The following UBASH3A variants were observed in gnomAD, a reference collection of about 807,000 sequenced individuals.
UBASH3A encodes ubiquitin associated and SH3 domain containing A.
A neutral mutation model predicts 73.5 loss-of-function variants in UBASH3A; 63 were observed. The ratio of observed to expected loss-of-function variants is 0.86; its 90% confidence interval spans 0.70 to 1.06. The LOEUF is 1.06. UBASH3A is among the 50% of genes least tolerant of loss of function. UBASH3A has a pLI of 0.00. For synonymous variants in UBASH3A, 363 were observed against 351.1 expected, an observed-to-expected ratio of 1.03 and a Z score of -0.38; for missense variants, 860 against 859.0, an observed-to-expected ratio of 1.00 and a Z score of -0.02.
chr21:42,438,623 G>C (rs916451445), intron 11 of UBASH3A, among the ~76,000 whole-genome samples: 1 of 152,164 alleles, frequency 6.6e-6, no homozygotes, highest in South Asian at 2.1e-4. Flanking sequence ...AGGAAGACTT[G>C]AGGGCATAGT....
intron 7 of UBASH3A, among the ~76,000 whole-genome samples, chr21:42,422,134 C>T (rs1221041357): frequency 6.6e-6 from 1 of 152,142 alleles, no homozygotes; most frequent in Non-Finnish European, 1.5e-5. Context: ...AGATTCCAGC[C>T]AAAGCCCCAC....
chr21:42,414,539 C>T (rs1166163043), intron 5 of UBASH3A, among the ~76,000 whole-genome samples: 1 of 152,126 alleles, frequency 6.6e-6, no homozygotes, highest in African/African-American at 2.4e-5. Context: ...GGGAATGTGA[C>T]CTCACTTGGG....
At chr21:42,423,392 G>A (rs2053376543) in intron 7 of UBASH3A, among the ~76,000 whole-genome samples, 1 of 152,240 alleles carries the variant, frequency 6.6e-6, no homozygotes, top group African/African-American at 2.4e-5. Context: ...GGGCCCAGGA[G>A]GCCAGGTGAC....
chr21:42,447,277 G>A lies in UBASH3A; in HGVS notation c.*83G>A, dbSNP rs2053860944. Reference sequence around the variant, plus strand: ...GCTGGGAGATGCTGCTGTTTCCAGAGGCGTCTTAGTCTCACCCAATGTGAT... The same window carrying A: ...GCTGGGAGATGCTGCTGTTTCCAGAAGCGTCTTAGTCTCACCCAATGTGAT... On this transcript the variant is annotated 3_prime_UTR_variant, in exon 15 of 15. Coordinates refer to ENST00000319294, the MANE Select transcript of UBASH3A (RefSeq NM_018961.4). 2 of 1,446,720 alleles carry A rather than the reference G, an allele frequency of 1.4e-6. No individual in the cohort carries two copies. Among genetic ancestry groups the A allele is most frequent in the Non-Finnish European group, 1.9e-6 (2 of 1,062,798 alleles). The allele number at this position is 1,446,720 out of a possible 1,614,324, so 89.6% of individuals were successfully genotyped here.
In UBASH3A at chr21:42,416,583, C is replaced by T; in HGVS notation, c.809C>T (p.Ser270Phe). The change falls in exon 6 of 15, where the codon TCC becomes TTC. Residue 270 changes from serine (S) to phenylalanine (F), a missense_variant. By Grantham distance (155) the Ser-to-Phe change is radical. Transcript: ENST00000319294. The part of the protein sequence containing the change: ...HSCQWTAALY[S>F]RDMRFVHYQT... ...TGCCAGTGGACCGCAGCACTCTACT[C>T]CCGAGACATGCGCTTTGTGCACTAC... 1 of 1,603,730 alleles carries T rather than the reference C, an allele frequency of 6.2e-7. No homozygotes were observed. The highest frequency in any genetic ancestry group is 8.5e-7 in the Non-Finnish European group (1 of 1,175,532).
chr21:42,437,194 CTT>C (rs1237293456), intron 10 of UBASH3A, among the ~76,000 whole-genome samples: 1 of 152,258 alleles, frequency 6.6e-6, no homozygotes, highest in African/African-American at 2.4e-5. Context: ...ACTTCTCTGA[CTT>C]TTTTCCATGA....
chr21:42,406,775 T>C (rs891705744), intron 2 of UBASH3A, among the ~76,000 whole-genome samples: 1 of 152,236 alleles, frequency 6.6e-6, no homozygotes, highest in African/African-American at 2.4e-5. Context: ...TTAGTACTGC[T>C]AATATTCAGC....
chr21:42,432,124 G>A lies in UBASH3A; in HGVS notation c.1192G>A (p.Val398Met), dbSNP rs147890294. ...ALQATVARKSVLVVRHGERVD... is the reference protein window; with the variant it reads ...ALQATVARKSMLVVRHGERVD... ...CCAGGCTACCGTTGCAAGGAAGAGC[G>A]TGCTGGTGGTTCGCCACGGGGAGAG... The change falls in exon 9 of 15, where the codon GTG becomes ATG. Residue 398 changes from valine (V) to methionine (M), a missense_variant. By Grantham distance (21) the Val-to-Met change is conservative. Coordinates refer to ENST00000319294, the MANE Select transcript of UBASH3A (RefSeq NM_018961.4). 66 of 1,613,438 alleles carry A rather than the reference G, an allele frequency of 4.1e-5. No homozygotes were observed. The highest frequency in any genetic ancestry group is 3.3e-4 in the Middle Eastern group (2 of 6,060).
At chr21:42,410,522 TCCAACCA>T in intron 3 of UBASH3A, 2 of 375,132 alleles carry the variant, frequency 5.3e-6, no homozygotes. Context: ...TTCCAAAGCC[TCCAACCA>T]CCACCCCGGA....
At chr21:42,429,293 G>A (rs556041531) in intron 8 of UBASH3A, among the ~76,000 whole-genome samples, 40 of 152,258 alleles carry the variant, frequency 2.6e-4, no homozygotes, top group East Asian at 1.2e-3. Flanking sequence ...GCTTGGCACC[G>A]CCCAGCCTGT....
intron 5 of UBASH3A, among the ~76,000 whole-genome samples, chr21:42,414,894 C>A (rs2053171328): frequency 6.6e-6 from 1 of 152,242 alleles, no homozygotes; most frequent in South Asian, 2.1e-4. Flanking sequence ...CACCTCTGTC[C>A]TGCTCCATGC....
chr21:42,445,323 A>G (rs977589415), intron 14 of UBASH3A, among the ~76,000 whole-genome samples: 1 of 152,218 alleles, frequency 6.6e-6, no homozygotes, highest in Non-Finnish European at 1.5e-5. Flanking sequence ...TGACCTTTTT[A>G]TGAAATTCAT....
intron 2 of UBASH3A, among the ~76,000 whole-genome samples, chr21:42,407,408 T>C (rs891424445): frequency 7.9e-5 from 12 of 151,764 alleles, no homozygotes; most frequent in Non-Finnish European, 1.8e-4. Flanking sequence ...CTTCACAGAG[T>C]CCACTAAAGC....
At chr21:42,405,236 C>T (rs371874798) in intron 1 of UBASH3A, among the ~76,000 whole-genome samples, 63 of 152,086 alleles carry the variant, frequency 4.1e-4, no homozygotes, top group African/African-American at 1.5e-3. Context: ...CAGGCATGTG[C>T]AGGGCGGCCA....
chr21:42,436,777 A>G (rs1449434229), intron 10 of UBASH3A, among the ~76,000 whole-genome samples: 1 of 152,076 alleles, frequency 6.6e-6, no homozygotes, highest in Non-Finnish European at 1.5e-5. Flanking sequence ...CCAGTATCAC[A>G]GGGGGAAAGG....
Position 42,437,505 on chromosome 21 carries a change from A to T in UBASH3A, c.1411A>T (p.Ser471Cys). The T allele has an allele frequency of 3.1e-6, 5 of 1,614,218 alleles. 2 individuals carry two copies. ...TTTTCCAGGGGACGCGCTACTGGAC[A>T]GTGGTATCAGAATCAGCTCTGTGTT... ...SRIAGDALLD[S>C]GIRISSVFAS... The change falls in exon 11 of 15, where the codon AGT becomes TGT. Residue 471 changes from serine (S) to cysteine (C), a missense_variant. Ser to Cys is a moderately radical substitution (Grantham distance 112). Coordinates refer to ENST00000319294, the MANE Select transcript of UBASH3A (RefSeq NM_018961.4).
chr21:42,428,828 G>C (rs1295935222), intron 8 of UBASH3A, among the ~76,000 whole-genome samples: 1 of 151,996 alleles, frequency 6.6e-6, no homozygotes, highest in Admixed American at 6.6e-5. Context: ...CCCTCACACG[G>C]TCTTCTCTAT....
At position 42,414,494 on chromosome 21, in the gene UBASH3A, G is replaced by A. The variant is rs73372263; in HGVS notation, c.667+971G>A. ...CCCAAGGTCCTGTGGTGTGTAGAGCGGTGTCCCCTAAAAATGTTTGTCCAC... is the reference window on the plus strand; with the variant it reads ...CCCAAGGTCCTGTGGTGTGTAGAGCAGTGTCCCCTAAAAATGTTTGTCCAC... On this transcript the variant is annotated intron_variant, in intron 5 of 14. Transcript: ENST00000319294. Among the ~76,000 whole-genome samples, 99 of 150,870 alleles carry A rather than the reference G, an allele frequency of 6.6e-4. No individual in the cohort carries two copies. The East Asian group carries it at 7.3e-3, about 11-fold the overall frequency.
chr21:42,431,587 T>C (rs1375322450), intron 8 of UBASH3A, among the ~76,000 whole-genome samples: 1 of 152,158 alleles, frequency 6.6e-6, no homozygotes, highest in Non-Finnish European at 1.5e-5. Flanking sequence ...TGAGGGCTTC[T>C]CCCCTTGGTG....
Sources: gnomAD v4.1 joint callset for allele counts (sites outside exome capture counted in the v4.1 genomes callset) on GRCh38, gnomAD v4.1.1 for gene constraint, MANE v1.5 for transcripts, NCBI Gene and HGNC (gene_info 2026-07-23, HGNC 2026-07-21) for gene names.